TRIM61: variants seen among roughly 807,000 people sequenced by gnomAD.
The protein encoded by TRIM61 is putative tripartite motif-containing protein 61.
TRIM61 carries 1 observed loss-of-function variant against 14.2 expected under a neutral mutation model. The observed-to-expected ratio is 0.07, with a 90% CI of 0.03 to 0.33. TRIM61 has a LOEUF of 0.33. Among genes scored for constraint, TRIM61 ranks in the 10% least tolerant of loss-of-function variants. The probability of loss-of-function intolerance (pLI) is 0.99; values close to 1 mark genes in which losing one functional copy is unlikely to be tolerated. For missense variants in TRIM61, 19 were observed against 202.2 expected (o/e 0.09, Z 5.49); for synonymous variants, 8 against 71.6 (o/e 0.11, Z 4.49).
chr4:164,962,389 TTGTG>T (rs147058101), intron 3 of TRIM61, among the ~76,000 whole-genome samples: 22,977 of 146,374 alleles, frequency 0.16, 1,893 homozygotes, highest in Admixed American at 0.24. Flanking sequence ...CCTGGCTAAT[TTGTG>T]TGTGTGTGTG....
At chr4:164,972,253 A>G (rs1292573220) in intron 2 of TRIM61, among the ~76,000 whole-genome samples, 1 of 152,106 alleles carries the variant, frequency 6.6e-6, no homozygotes, top group Admixed American at 6.5e-5. Context: ...TTTGAATCGC[A>G]TTTCTTTGAC....
intron 3 of TRIM61, among the ~76,000 whole-genome samples, chr4:164,956,416 A>C (rs944766538): frequency 6.6e-6 from 1 of 152,214 alleles, no homozygotes; most frequent in Non-Finnish European, 1.5e-5. Context: ...ATAATAGTAG[A>C]GAGAACATTA....
chr4:164,977,350 C>T (rs56231925), intron 1 of TRIM61, among the ~76,000 whole-genome samples, 181 bp downstream of exon 1: 1 of 152,008 alleles, frequency 6.6e-6, no homozygotes, highest in African/African-American at 2.4e-5. Flanking sequence ...GGCTCAACAC[C>T]CCCATTCTAA....
chr4:164,960,388 CA>C (rs773303656), intron 3 of TRIM61, among the ~76,000 whole-genome samples: 1 of 149,852 alleles, frequency 6.7e-6, no homozygotes, highest in Non-Finnish European at 1.5e-5. Context: ...ATTAAAAATA[CA>C]AAAAAAAGAA....
At chr4:164,962,311 C>T (rs1463256429) in intron 3 of TRIM61, among the ~76,000 whole-genome samples, 2 of 151,424 alleles carry the variant, frequency 1.3e-5, no homozygotes, top group Non-Finnish European at 2.9e-5. Flanking sequence ...AGCTCCGCCT[C>T]CCGGGTTCAC....
chr4:164,968,375 T>C (rs1732286676), intron 3 of TRIM61: 3 of 974,590 alleles, frequency 3.1e-6, no homozygotes, highest in South Asian at 9.5e-5. Context: ...TTTCAAGTAT[T>C]TTACTGTAGA....
intron 3 of TRIM61, among the ~76,000 whole-genome samples, chr4:164,960,693 A>T (rs550571314): frequency 6.6e-6 from 1 of 152,276 alleles, no homozygotes; most frequent in African/African-American, 2.4e-5. Context: ...GGTCATGCCC[A>T]TAATCCCATC....
At chr4:164,957,622 C>A in intron 3 of TRIM61, 2 of 1,035,456 alleles carry the variant, frequency 1.9e-6, no homozygotes, top group African/African-American at 1.6e-5. Context: ...TGAATGCTAC[C>A]GAAGATAGTC....
At chr4:164,961,339 T>G (rs1732133474) in intron 3 of TRIM61, among the ~76,000 whole-genome samples, 1 of 151,710 alleles carries the variant, frequency 6.6e-6, no homozygotes, top group Non-Finnish European at 1.5e-5. Context: ...AGAAAAGAGA[T>G]GAAGATGCCT....
chr4:164,962,328 C>T (rs569164911), intron 3 of TRIM61, among the ~76,000 whole-genome samples: 226 of 150,946 alleles, frequency 1.5e-3, no homozygotes, highest in Non-Finnish European at 2.7e-3. Context: ...TCACGCCATT[C>T]TCCTGCCTCA....
Position 164,957,576 on chromosome 4 carries a change from A to C in TRIM61, c.526-2480T>G, listed in dbSNP as rs560451488. 3.8e-4 allele frequency: 529 copies of C among 1,400,556 alleles called. 1 individual carries two copies. In the Middle Eastern group the frequency reaches 0.01, roughly 27 times the overall value. The allele number at this position is 1,400,556 out of a possible 1,614,324, so 86.8% of individuals were successfully genotyped here. A position where few individuals can be genotyped will look rare whatever the true frequency, so the allele number is the denominator to read the frequency against. On this transcript the variant is annotated intron_variant, in intron 3 of 4. Coordinates refer to ENST00000329314, the MANE Select transcript of TRIM61 (RefSeq NM_001012414.3). Reference sequence around the variant, plus strand: ...AAGTGTAAAATGCTTTAAATAAGCCAAAACTAAACCAATCGTTATGTTAAC... The same window carrying C: ...AAGTGTAAAATGCTTTAAATAAGCCCAAACTAAACCAATCGTTATGTTAAC...
intron 2 of TRIM61, among the ~76,000 whole-genome samples, chr4:164,971,112 A>C (rs1732355191): frequency 6.6e-6 from 1 of 152,162 alleles, no homozygotes; most frequent in Non-Finnish European, 1.5e-5. Context: ...CCCCTCAAAA[A>C]AAATGGGGAA....
intron 3 of TRIM61, among the ~76,000 whole-genome samples, chr4:164,966,074 T>C (rs960618650): frequency 6.6e-6 from 1 of 152,218 alleles, no homozygotes; most frequent in Non-Finnish European, 1.5e-5. Flanking sequence ...TGTGCCTGTG[T>C]TGCAGATGAG....
chr4:164,963,435 C>T (rs1257286505), intron 3 of TRIM61, among the ~76,000 whole-genome samples: 1 of 152,148 alleles, frequency 6.6e-6, no homozygotes, highest in Non-Finnish European at 1.5e-5. Flanking sequence ...TGGAACATTC[C>T]TTCACACATT....
At chr4:164,972,295 T>C (rs1422650599) in intron 2 of TRIM61, among the ~76,000 whole-genome samples, 3 of 152,206 alleles carry the variant, frequency 2.0e-5, no homozygotes, top group Non-Finnish European at 4.4e-5. Context: ...AACCTCTTTT[T>C]CTTATAAGAA....
At chr4:164,973,767 A>G (rs1184368927) in intron 2 of TRIM61, among the ~76,000 whole-genome samples, 3 of 152,264 alleles carry the variant, frequency 2.0e-5, no homozygotes, top group African/African-American at 7.2e-5. Context: ...ATCTCTCAAG[A>G]GGTCATACAA....
At chr4:164,976,391 A>T (rs1464824289) in intron 2 of TRIM61, among the ~76,000 whole-genome samples, 1 of 152,144 alleles carries the variant, frequency 6.6e-6, no homozygotes, top group African/African-American at 2.4e-5. Context: ...CATAAAGGAC[A>T]CAAGAGGACT....
At chr4:164,973,770 TCATA>T (rs1732422984) in intron 2 of TRIM61, among the ~76,000 whole-genome samples, 1 of 152,134 alleles carries the variant, frequency 6.6e-6, no homozygotes, top group Non-Finnish European at 1.5e-5. Flanking sequence ...TCTCAAGAGG[TCATA>T]CAAATTTAGC....
chr4:164,965,150 C>T (rs1364377603), intron 3 of TRIM61, among the ~76,000 whole-genome samples: 5 of 151,934 alleles, frequency 3.3e-5, no homozygotes, highest in Admixed American at 6.6e-5. Context: ...TGACCGGGCA[C>T]GGTGACGCGA....
Sources: gnomAD v4.1 joint callset for allele counts (sites outside exome capture counted in the v4.1 genomes callset) on GRCh38, gnomAD v4.1.1 for gene constraint, MANE v1.5 for transcripts, NCBI Gene and HGNC (gene_info 2026-07-23, HGNC 2026-07-21) for gene names.